The following EYA1 variants were observed in gnomAD, a reference collection of about 807,000 sequenced individuals.
EYA1 encodes the protein protein phosphatase EYA1.
EYA1 carries 16 observed loss-of-function variants against 82.0 expected under a neutral mutation model. That is an observed-to-expected ratio of 0.20 (90% CI 0.13 to 0.30). The LOEUF (loss-of-function observed/expected upper bound fraction) is 0.30. EYA1 is among the 10% of genes least tolerant of loss of function. EYA1 has a pLI of 1.00. For synonymous variants in EYA1, 261 were observed against 264.4 expected (o/e 0.99, Z 0.12); for missense variants, 633 against 730.7 (o/e 0.87, Z 1.54).
At chr8:71,250,111 T>A (rs1036652562) in intron 11 of EYA1, among the ~76,000 whole-genome samples, 4 of 152,250 alleles carry the variant, frequency 2.6e-5, no homozygotes, top group South Asian at 2.1e-4. Context: ...GGTCTATTCC[T>A]AGGTTGTCAC....
At chr8:71,523,265 G>A (rs537604213) in intron 2 of EYA1, among the ~76,000 whole-genome samples, 42 of 136,600 alleles carry the variant, frequency 3.1e-4, no homozygotes, top group African/African-American at 5.6e-5. Flanking sequence ...TGCAAGCTCC[G>A]CCTCCCAGGT....
intron 17 of EYA1, among the ~76,000 whole-genome samples, chr8:71,205,573 G>A (rs543710441): frequency 1.3e-5 from 2 of 152,206 alleles, no homozygotes; most frequent in Admixed American, 6.5e-5. Flanking sequence ...GTTCTTTTAC[G>A]AAACAAAGGT....
intron 2 of EYA1, among the ~76,000 whole-genome samples, chr8:71,408,790 C>T (rs1008113426): frequency 7.2e-6 from 1 of 139,780 alleles, no homozygotes; most frequent in African/African-American, 2.8e-5. Context: ...TTTAACACCC[C>T]ATTGTCAACA....
At chr8:71,322,090 T>C (rs1822624329) in intron 5 of EYA1, 109 bp downstream of exon 5, 1 of 1,134,610 alleles carries the variant, frequency 8.8e-7, no homozygotes. Context: ...CTCTATGAAA[T>C]GCACTTTCAT....
intron 16 of EYA1, 114 bp downstream of exon 16, chr8:71,215,273 T>G: frequency 1.7e-6 from 1 of 582,604 alleles, no homozygotes; most frequent in Non-Finnish European, 2.7e-6. Context: ...TATTCTTGTA[T>G]TTTTTTTTTG....
At chr8:71,403,218 G>T (rs977128742) in intron 2 of EYA1, among the ~76,000 whole-genome samples, 1 of 152,114 alleles carries the variant, frequency 6.6e-6, no homozygotes, top group Non-Finnish European at 1.5e-5. Context: ...ATTAGAAAAA[G>T]GTGAGCAATC....
At chr8:71,388,456 T>A (rs1399088521) in intron 2 of EYA1, among the ~76,000 whole-genome samples, 1 of 152,164 alleles carries the variant, frequency 6.6e-6, no homozygotes, top group Non-Finnish European at 1.5e-5. Flanking sequence ...GTTTTTCGGT[T>A]GTCTGTGAAG....
intron 9 of EYA1, among the ~76,000 whole-genome samples, chr8:71,296,284 T>C (rs1819585591): frequency 6.6e-6 from 1 of 152,108 alleles, no homozygotes; most frequent in Non-Finnish European, 1.5e-5. Flanking sequence ...TCAAAATTCA[T>C]AAGGAATTAC....
intron 7 of EYA1, among the ~76,000 whole-genome samples, chr8:71,300,566 T>C (rs1048397291): frequency 6.6e-6 from 1 of 152,122 alleles, no homozygotes; most frequent in African/African-American, 2.4e-5. Flanking sequence ...GTTTGGCTAT[T>C]TGGCTTATGA....
rs2016631 is a variant in EYA1 at position 71,346,619 on chromosome 8, T to C, written c.124+8163A>G. Among the ~76,000 whole-genome samples, 266 of 152,024 alleles carry C rather than the reference T, an allele frequency of 1.7e-3. 1 individual carries two copies. The highest frequency in any genetic ancestry group is 6.1e-3 in the African/African-American group (253 of 41,486). Reference sequence around the variant, plus strand: ...GACTATGTGGAAGTTGCTTTATCACTATTAATATACTAACAGTTGAAGTTT... The same window carrying C: ...GACTATGTGGAAGTTGCTTTATCACCATTAATATACTAACAGTTGAAGTTT... On this transcript the variant is annotated intron_variant, in intron 3 of 17. Coordinates refer to ENST00000340726, the MANE Select transcript of EYA1 (RefSeq NM_000503.6).
intron 17 of EYA1, among the ~76,000 whole-genome samples, chr8:71,202,721 T>C (rs1487798200): frequency 1.3e-5 from 2 of 152,318 alleles, no homozygotes; most frequent in South Asian, 2.1e-4. Flanking sequence ...CCCACAAGGA[T>C]AGCAACTCTA....
chr8:71,389,499 C>T (rs1407655152), intron 2 of EYA1, among the ~76,000 whole-genome samples: 1 of 152,056 alleles, frequency 6.6e-6, no homozygotes, highest in African/African-American at 2.4e-5. Context: ...AGTTTCAAAA[C>T]GTGAGTTGGC....
At chr8:71,408,328 C>A (rs1391919966) in intron 2 of EYA1, among the ~76,000 whole-genome samples, 1 of 151,534 alleles carries the variant, frequency 6.6e-6, no homozygotes, top group Admixed American at 6.6e-5. Flanking sequence ...CGAGCAAAAA[C>A]ACCAGCTAAC....
chr8:71,521,280 GT>G (rs1451310492), intron 2 of EYA1, among the ~76,000 whole-genome samples: 3 of 151,898 alleles, frequency 2.0e-5, no homozygotes, highest in African/African-American at 7.3e-5. Context: ...TCTTAAATCT[GT>G]CCTCAATACC....
At chr8:71,442,710 C>T (rs1035738397) in intron 2 of EYA1, among the ~76,000 whole-genome samples, 8 of 152,044 alleles carry the variant, frequency 5.3e-5, no homozygotes, top group African/African-American at 1.9e-4. Flanking sequence ...TTTATAATAC[C>T]ACTATGTGTT....
At chr8:71,509,087 T>C (rs1375479755) in intron 2 of EYA1, among the ~76,000 whole-genome samples, 1 of 151,662 alleles carries the variant, frequency 6.6e-6, no homozygotes, top group Non-Finnish European at 1.5e-5. Flanking sequence ...CCAGGGGTGG[T>C]GGTGCCTGCT....
chr8:71,335,853 C>T (rs1201233178), intron 3 of EYA1, among the ~76,000 whole-genome samples: 1 of 152,016 alleles, frequency 6.6e-6, no homozygotes, highest in Non-Finnish European at 1.5e-5. Flanking sequence ...ATAAAGCAAT[C>T]GTTCTATTTC....
chr8:71,278,813 A>C (rs907282766), intron 9 of EYA1, among the ~76,000 whole-genome samples: 2 of 152,198 alleles, frequency 1.3e-5, no homozygotes, highest in Non-Finnish European at 2.9e-5. Context: ...TTTCTGATCT[A>C]GCTTTACACC....
chr8:71,470,592 T>G (rs574724660), intron 2 of EYA1, among the ~76,000 whole-genome samples: 1 of 152,120 alleles, frequency 6.6e-6, no homozygotes, highest in African/African-American at 2.4e-5. Flanking sequence ...TCTGTAGGGG[T>G]CCTTCCATAA....
Sources: allele counts gnomAD v4.1 joint callset (sites outside exome capture counted in the v4.1 genomes callset), GRCh38; gene constraint gnomAD v4.1.1; transcripts MANE v1.5; gene names NCBI Gene and HGNC (gene_info 2026-07-23, HGNC 2026-07-21).